Variants in SYN3 observed in about 807,000 individuals in gnomAD.
SYN3 encodes synapsin-3.
A neutral mutation model predicts 65.8 loss-of-function variants in SYN3; 35 were observed. The observed-to-expected ratio is 0.53, with a 90% CI of 0.41 to 0.70. The LOEUF is 0.70. Ranked by LOEUF, SYN3 falls within the 30% of genes least tolerant of loss-of-function variation. The pLI, the probability that SYN3 is intolerant of heterozygous loss-of-function variation, is 0.00. For missense variants in SYN3, 680 were observed against 749.0 expected (o/e 0.91, Z 1.08); for synonymous variants, 270 against 292.9 (o/e 0.92, Z 0.80).
rs538717277 is a variant in SYN3 at position 32,606,583 on chromosome 22, G to A, written c.712-9847C>T. Among the ~76,000 whole-genome samples, 232 of 152,172 alleles carry A rather than the reference G, an allele frequency of 1.5e-3. 1 individual carries two copies. Among genetic ancestry groups the A allele is most frequent in the African/African-American group, 3.7e-3 (154 of 41,538 alleles). Reference sequence around the variant, plus strand: ...GTTAAGACAAAACTTCACGGCTTACGGGGCTCTGTGTGGTCTGACCCCTGC... The same window carrying A: ...GTTAAGACAAAACTTCACGGCTTACAGGGCTCTGTGTGGTCTGACCCCTGC... On this transcript the variant is annotated intron_variant, in intron 6 of 13. Coordinates refer to ENST00000358763, the MANE Select transcript of SYN3 (RefSeq NM_003490.4).
intron 3 of SYN3, among the ~76,000 whole-genome samples, chr22:32,934,595 C>G (rs2050722780): frequency 6.6e-6 from 1 of 152,198 alleles, no homozygotes; most frequent in African/African-American, 2.4e-5. Flanking sequence ...TCCAAACCAC[C>G]TTCCCTTCAA....
chr22:32,944,669 A>G (rs187663534), intron 3 of SYN3, among the ~76,000 whole-genome samples: 1,745 of 152,354 alleles, frequency 0.011, 18 homozygotes, highest in Non-Finnish European at 0.019. Flanking sequence ...CTCCTATTCA[A>G]CACAGTGTTG....
chr22:33,039,577 G>T (rs535997312), intron 1 of SYN3, among the ~76,000 whole-genome samples: 1 of 151,880 alleles, frequency 6.6e-6, no homozygotes, highest in Non-Finnish European at 1.5e-5. Flanking sequence ...TGTATTTTTA[G>T]TAGAAACGGA....
intron 6 of SYN3, among the ~76,000 whole-genome samples, chr22:32,741,047 T>G (rs1260209162): frequency 1.3e-5 from 2 of 152,180 alleles, no homozygotes; most frequent in South Asian, 2.1e-4. Flanking sequence ...GGCTTAATTT[T>G]ATTTCCAGAT....
At chr22:32,820,239 C>G (rs1422309369) in intron 6 of SYN3, among the ~76,000 whole-genome samples, 2 of 135,308 alleles carry the variant, frequency 1.5e-5, no homozygotes, top group Non-Finnish European at 3.3e-5. Flanking sequence ...CCTCCTTTCT[C>G]CCCTGTGTGT....
chr22:32,584,690 G>A (rs2858737), intron 7 of SYN3, among the ~76,000 whole-genome samples: 12,048 of 152,150 alleles, frequency 0.079, 941 homozygotes, highest in African/African-American at 0.2. Flanking sequence ...TTGACAAAAT[G>A]GGGCTTATAG....
intron 6 of SYN3, among the ~76,000 whole-genome samples, chr22:32,610,880 C>A (rs1424389761): frequency 6.6e-6 from 1 of 152,216 alleles, no homozygotes; most frequent in Non-Finnish European, 1.5e-5. Flanking sequence ...CTGCGTCCAG[C>A]CACTTTGTTT....
At chr22:32,624,303 T>TG (rs1197904569) in intron 6 of SYN3, among the ~76,000 whole-genome samples, 1 of 151,730 alleles carries the variant, frequency 6.6e-6, no homozygotes, top group Non-Finnish European at 1.5e-5. Flanking sequence ...AGAGGCTGGG[T>TG]GGGGGGTCAC....
chr22:32,641,864 G>C (rs2059906205), intron 6 of SYN3, among the ~76,000 whole-genome samples: 1 of 152,240 alleles, frequency 6.6e-6, no homozygotes. Context: ...TGCTTCCTGA[G>C]AAATTGGGGG....
chr22:32,931,300 T>C, intron 4 of SYN3, 90 bp downstream of exon 4: 1 of 839,878 alleles, frequency 1.2e-6, no homozygotes, highest in Non-Finnish European at 2.0e-6. Flanking sequence ...GCAAAGGAGT[T>C]AGGTCGCAGG....
intron 7 of SYN3, among the ~76,000 whole-genome samples, chr22:32,592,857 A>C (rs551225270): frequency 6.6e-6 from 1 of 152,246 alleles, no homozygotes; most frequent in East Asian, 1.9e-4. Context: ...GGTCCTATTG[A>C]TTTTCCAATT....
intron 6 of SYN3, among the ~76,000 whole-genome samples, chr22:32,625,676 C>T (rs1164243413): frequency 2.6e-5 from 4 of 152,166 alleles, no homozygotes; most frequent in Admixed American, 6.5e-5. Context: ...CTGTGACTTC[C>T]AAGACTCCTT....
intron 2 of SYN3, among the ~76,000 whole-genome samples, chr22:32,983,842 T>G (rs2052440747): frequency 1.3e-5 from 2 of 152,048 alleles, no homozygotes; most frequent in Admixed American, 1.3e-4. Context: ...ATTGACAAAA[T>G]CAAGCCAGCA....
At chr22:32,635,417 A>G (rs9621511) in intron 6 of SYN3, among the ~76,000 whole-genome samples, 15,020 of 152,252 alleles carry the variant, frequency 0.099, 1,685 homozygotes, top group African/African-American at 0.28. Flanking sequence ...CCCAGTGACT[A>G]TGATACAGGG....
chr22:33,052,567 C>T (rs2054186968), intron 1 of SYN3, among the ~76,000 whole-genome samples: 1 of 149,762 alleles, frequency 6.7e-6, no homozygotes, highest in South Asian at 2.1e-4. Context: ...TATACTCACA[C>T]CTAGCAGAAG....
chr22:32,887,490 A>T (rs1270831872), intron 4 of SYN3, among the ~76,000 whole-genome samples: 1 of 152,182 alleles, frequency 6.6e-6, no homozygotes. Context: ...AACCCAAGCG[A>T]GCTTGGAAGT....
intron 6 of SYN3, among the ~76,000 whole-genome samples, chr22:32,713,437 A>G (rs955621768): frequency 6.6e-6 from 1 of 152,214 alleles, no homozygotes; most frequent in African/African-American, 2.4e-5. Context: ...GGGCTCCAGC[A>G]TATTGCTGAA....
chr22:32,766,666 T>A (rs2045635963), intron 6 of SYN3, among the ~76,000 whole-genome samples: 1 of 152,210 alleles, frequency 6.6e-6, no homozygotes, highest in Non-Finnish European at 1.5e-5. Flanking sequence ...TCTACTTTCA[T>A]CATGTCACTG....
intron 6 of SYN3, chr22:32,857,920 G>C (rs1468513681): frequency 6.3e-7 from 1 of 1,591,810 alleles, no homozygotes; most frequent in Non-Finnish European, 8.6e-7. Context: ...CCCAGCCACA[G>C]TGCCTGGGCT....
Sources: gnomAD v4.1 joint callset for allele counts (sites outside exome capture counted in the v4.1 genomes callset) on GRCh38, gnomAD v4.1.1 for gene constraint, MANE v1.5 for transcripts, NCBI Gene and HGNC (gene_info 2026-07-23, HGNC 2026-07-21) for gene names.